Variants in HYCC2 observed in about 807,000 individuals in gnomAD.
HYCC2 encodes hyccin PI4KA lipid kinase complex subunit 2, also known as hyccin 2.
chr2:200,992,900 C>A, the HYCC2 span: 3 of 1,598,778 alleles, frequency 1.9e-6, no homozygotes, highest in Non-Finnish European at 2.6e-6. Flanking sequence ...GCATAATAAA[C>A]CCCTGTGAGA....
the HYCC2 span, among the ~76,000 whole-genome samples, chr2:200,983,511 G>A: frequency 2.0e-5 from 3 of 152,050 alleles, no homozygotes; most frequent in South Asian, 2.1e-4. Flanking sequence ...ATTATATCCA[G>A]CAGTTTAATA....
the HYCC2 span, among the ~76,000 whole-genome samples, chr2:201,015,191 C>T: frequency 6.6e-6 from 1 of 152,130 alleles, no homozygotes; most frequent in South Asian, 2.1e-4. Flanking sequence ...AGAAAAGGTG[C>T]CTTGTGCTGC....
the HYCC2 span, among the ~76,000 whole-genome samples, chr2:200,993,169 G>A: frequency 6.6e-6 from 1 of 152,178 alleles, no homozygotes; most frequent in Non-Finnish European, 1.5e-5. Flanking sequence ...GTGAACAGGT[G>A]AAAGATAAAA....
the HYCC2 span, among the ~76,000 whole-genome samples, chr2:201,019,496 T>A: frequency 6.6e-6 from 1 of 152,050 alleles, no homozygotes; most frequent in East Asian, 2.0e-4. Context: ...CTCACGCCTG[T>A]AATTCCGGCA....
the HYCC2 span, chr2:201,023,057 T>A: frequency 1.5e-6 from 1 of 645,228 alleles, no homozygotes; most frequent in African/African-American, 1.9e-5. Flanking sequence ...ATAATTAATA[T>A]AAAGAAATAG....
chr2:201,070,522 C>G, the HYCC2 span, among the ~76,000 whole-genome samples: 6 of 152,068 alleles, frequency 3.9e-5, no homozygotes, highest in African/African-American at 1.4e-4. Context: ...CGTGGTGGCG[C>G]ATGCCTGTAA....
At chr2:200,981,090 A>G in the HYCC2 span, 1 of 701,278 alleles carries the variant, frequency 1.4e-6, no homozygotes, top group Non-Finnish European at 2.4e-6. The surrounding 1 kb of genome is among the most constrained non-coding windows in gnomAD (Gnocchi z 4.5). Flanking sequence ...AAGATGTAGG[A>G]AAGAGGGATA....
the HYCC2 span, among the ~76,000 whole-genome samples, chr2:200,995,593 C>T: frequency 6.6e-5 from 10 of 152,178 alleles, no homozygotes; most frequent in African/African-American, 2.2e-4. Context: ...GCCAATATGA[C>T]AAGGAGCAAA....
At chr2:201,067,009 T>C in the HYCC2 span, 1 of 351,052 alleles carries the variant, frequency 2.8e-6, no homozygotes, top group South Asian at 2.4e-5. Context: ...ACAACATATT[T>C]GTGTTCATTG....
chr2:201,036,576 C>A, the HYCC2 span, among the ~76,000 whole-genome samples: 1 of 152,206 alleles, frequency 6.6e-6, no homozygotes, highest in Non-Finnish European at 1.5e-5. Context: ...CCCTGGGATG[C>A]AAGGCTGGTT....
At chr2:200,991,259 C>G in the HYCC2 span, among the ~76,000 whole-genome samples, 1 of 151,948 alleles carries the variant, frequency 6.6e-6, no homozygotes, top group African/African-American at 2.4e-5. Context: ...CACTTGAGAT[C>G]AGGATTTCAA....
the HYCC2 span, among the ~76,000 whole-genome samples, chr2:201,033,184 TGTGTGTGTGTGTGA>T: frequency 6.8e-6 from 1 of 146,856 alleles, no homozygotes; most frequent in African/African-American, 2.6e-5. Context: ...TGTGTGTGTG[TGTGTGTGTGTGTGA>T]GAGAGAGAGA....
the HYCC2 span, chr2:200,981,751 T>C: frequency 6.2e-7 from 1 of 1,614,164 alleles, no homozygotes; most frequent in Non-Finnish European, 8.5e-7. The surrounding 1 kb of genome is among the most constrained non-coding windows in gnomAD (Gnocchi z 4.5). Context: ...GCTTCCCCTC[T>C]GAGAAGAGGA....
chr2:201,037,595 A>G, the HYCC2 span, among the ~76,000 whole-genome samples: 1 of 152,248 alleles, frequency 6.6e-6, no homozygotes, highest in Non-Finnish European at 1.5e-5. Context: ...CCACATATCT[A>G]CAACTATCTG....
At chr2:201,025,783 G>C in the HYCC2 span, among the ~76,000 whole-genome samples, 3 of 152,082 alleles carry the variant, frequency 2.0e-5, no homozygotes, top group Admixed American at 2.0e-4. Context: ...AGAAGGCCAG[G>C]CATGGTGGTT....
At chr2:201,032,869 G>A in the HYCC2 span, among the ~76,000 whole-genome samples, 2 of 151,878 alleles carry the variant, frequency 1.3e-5, no homozygotes, top group East Asian at 3.8e-4. Flanking sequence ...TTACTATGTT[G>A]CCCAGGCTAC....
At chr2:200,981,244 C>T in the HYCC2 span, 30 of 1,602,714 alleles carry the variant, frequency 1.9e-5, no homozygotes, top group Non-Finnish European at 2.2e-5. This position sits in a 1 kb window ranked among gnomAD's most constrained non-coding sequence, Gnocchi z 4.5. Flanking sequence ...AAAAGGTAAG[C>T]AGAAAGATGA....
At chr2:201,042,712 C>T in the HYCC2 span, among the ~76,000 whole-genome samples, 4 of 151,294 alleles carry the variant, frequency 2.6e-5, no homozygotes, top group Admixed American at 6.6e-5. Flanking sequence ...GGGCAGCCCC[C>T]GCCCGGCCAG....
At chr2:201,032,813 C>T in the HYCC2 span, among the ~76,000 whole-genome samples, 7 of 152,126 alleles carry the variant, frequency 4.6e-5, no homozygotes, top group East Asian at 1.9e-4. Flanking sequence ...TGTGCCACTA[C>T]GCCTGGCTAA....
Sources: allele counts gnomAD v4.1 joint callset (sites outside exome capture counted in the v4.1 genomes callset), GRCh38; gene constraint gnomAD v4.1.1; non-coding constraint Gnocchi (gnomAD v3.1); transcripts MANE v1.5; gene names NCBI Gene and HGNC (gene_info 2026-07-23, HGNC 2026-07-21).